The following PRDM1 variants were observed in gnomAD, a reference collection of about 807,000 sequenced individuals.
PRDM1 encodes PR/SET domain 1.
A neutral mutation model predicts 62.8 loss-of-function variants in PRDM1; 13 were observed. That is an observed-to-expected ratio of 0.21 (90% confidence interval 0.13 to 0.33). PRDM1 has a LOEUF of 0.33. Ranked by LOEUF, PRDM1 falls within the 10% of genes least tolerant of loss-of-function variation. PRDM1 has a pLI of 1.00. For missense variants in PRDM1, 895 were observed against 1,058.8 expected, an observed-to-expected ratio of 0.85 and a Z score of 2.15; for synonymous variants, 396 against 417.6, an observed-to-expected ratio of 0.95 and a Z score of 0.63.
intron 1 of PRDM1, among the ~76,000 whole-genome samples, chr6:106,013,930 T>A (rs901222818): frequency 1.3e-5 from 2 of 152,154 alleles, no homozygotes; most frequent in African/African-American, 2.4e-5. Context: ...AGCTTCCTCC[T>A]TCCCAATTCC....
chr6:106,051,863 T>A (rs1321984449), intron 1 of PRDM1, among the ~76,000 whole-genome samples: 1 of 152,232 alleles, frequency 6.6e-6, no homozygotes, highest in Non-Finnish European at 1.5e-5. Context: ...AATTTTTCCA[T>A]GTGTAAATTG....
chr6:106,047,730 T>G (rs1287321337), upstream of PRDM1, among the ~76,000 whole-genome samples: 1 of 152,238 alleles, frequency 6.6e-6, no homozygotes, highest in Non-Finnish European at 1.5e-5. Context: ...AAACCATTTC[T>G]GGTGACAAAG....
intron 1 of PRDM1, among the ~76,000 whole-genome samples, chr6:106,062,356 A>G (rs1773357895): frequency 6.6e-6 from 1 of 152,178 alleles, no homozygotes; most frequent in African/African-American, 2.4e-5. Context: ...AGGGAAAGAA[A>G]ATGTGTAATC....
In PRDM1 at chr6:106,104,842, C is replaced by G; in HGVS notation, c.682C>G (p.Leu228Val). 1.2e-6 allele frequency: 2 copies of G among 1,613,758 alleles called. No homozygotes were observed. Among genetic ancestry groups the G allele is most frequent in the Non-Finnish European group, 8.5e-7 (1 of 1,179,932 alleles). ...MMNLTQTQSS[L>V]KQPSTEKNEL... is the part of the protein sequence containing the mutation. ...TATTTCAGCACAAACACAGAGCAGT[C>G]TAAAGCAACCGAGCACTGAGAAAAA... Residue 228 changes from leucine (L) to valine (V), a missense_variant, in exon 5 of 7, where the codon CTA (leucine) becomes GTA (valine). Physicochemically the swap from Leu to Val is conservative, Grantham distance 32. Coordinates refer to ENST00000369096, the MANE Select transcript of PRDM1 (RefSeq NM_001198.4).
Position 106,086,438 on chromosome 6 carries a change from C to G in PRDM1, c.-116C>G, listed in dbSNP as rs756576797. ...CCGCCCGGAGCTGGGACGCGGGCGCCCGGGCGGCCGGACGAAGCGAGGAGG... is the reference window on the plus strand; with the variant it reads ...CCGCCCGGAGCTGGGACGCGGGCGCGCGGGCGGCCGGACGAAGCGAGGAGG... On this transcript the variant is annotated 5_prime_UTR_variant, in exon 1 of 7. Coordinates refer to ENST00000369096, the MANE Select transcript of PRDM1 (RefSeq NM_001198.4). 9.9e-6 allele frequency: 10 copies of G among 1,009,650 alleles called. No individual in the cohort carries two copies. Among genetic ancestry groups the G allele is most frequent in the Non-Finnish European group, 1.5e-5 (10 of 686,898 alleles). 62.5% of individuals were successfully genotyped at this position (1,009,650 alleles called of 1,614,324 possible). A position where few individuals can be genotyped will look rare whatever the true frequency, so the allele number is the denominator to read the frequency against.
chr6:106,046,350 C>T (rs1213704107), upstream of PRDM1: 1 of 152,104 alleles, frequency 6.6e-6, no homozygotes, highest in Non-Finnish European at 1.5e-5. Context: ...ACTTGTCTTT[C>T]ATTTCCATGG....
chr6:106,005,124 A>C (rs986497109), intron 1 of PRDM1, among the ~76,000 whole-genome samples: 1 of 152,216 alleles, frequency 6.6e-6, no homozygotes, highest in African/African-American at 2.4e-5. Context: ...ACAGTGTTTA[A>C]ACACCTCTTA....
chr6:106,075,622 AC>A (rs1773593700), intron 1 of PRDM1, among the ~76,000 whole-genome samples: 1 of 152,164 alleles, frequency 6.6e-6, no homozygotes, highest in African/African-American at 2.4e-5. Context: ...AGAATCTATC[AC>A]CATCAGATGC....
At chr6:106,014,574 TAA>T (rs1772596227) in intron 1 of PRDM1, among the ~76,000 whole-genome samples, 1 of 151,608 alleles carries the variant, frequency 6.6e-6, no homozygotes, top group African/African-American at 2.4e-5. Flanking sequence ...ATCTATAATG[TAA>T]GTCTAAATTT....
intron 1 of PRDM1, among the ~76,000 whole-genome samples, chr6:106,076,072 C>T (rs759451505): frequency 2.6e-5 from 4 of 152,072 alleles, no homozygotes; most frequent in Non-Finnish European, 5.9e-5. Flanking sequence ...CAACCTCAGC[C>T]TCCCGAGTAG....
intron 1 of PRDM1, among the ~76,000 whole-genome samples, chr6:106,065,302 ATTAT>A (rs1224984275): frequency 6.6e-6 from 1 of 151,944 alleles, no homozygotes; most frequent in African/African-American, 2.4e-5. Context: ...AATCTTATAT[ATTAT>A]TTATTCAACA....
intron 1 of PRDM1, among the ~76,000 whole-genome samples, chr6:106,006,291 A>G (rs973103338): frequency 6.6e-6 from 1 of 152,178 alleles, no homozygotes; most frequent in Admixed American, 6.5e-5. Flanking sequence ...CCAGATAACA[A>G]CTGAGTTGTT....
chr6:106,106,219 ACAC>A lies in PRDM1; in HGVS notation c.1774-149_1774-147del. ...TGTGATTTTTGTGCTTTTAAGAAAA[ACAC>A]CATTCTGAAAACATGAAGATTTCTT... On this transcript the variant is annotated intron_variant, in intron 5 of 6. Coordinates refer to ENST00000369096, the MANE Select transcript of PRDM1 (RefSeq NM_001198.4). The surrounding 1 kb of genome is among the most constrained non-coding windows in gnomAD (Gnocchi z 4.4). The A allele has an allele frequency of 1.2e-5, 15 of 1,296,232 alleles. No individual in the cohort carries two copies. Among genetic ancestry groups the A allele is most frequent in the Non-Finnish European group, 1.5e-5 (14 of 949,136 alleles). 80.3% of individuals were successfully genotyped at this position (1,296,232 alleles called of 1,614,324 possible).
At chr6:106,100,697 A>G (rs1439502952) in intron 4 of PRDM1, 15 of 152,130 alleles carry the variant, frequency 9.9e-5, no homozygotes, top group Admixed American at 9.8e-4. Flanking sequence ...TCCACACTTC[A>G]TTTTACTTGA....
rs1437431722 is a variant in PRDM1, at chr6:106,059,125, CCAA to C, written c.-67+10412_-67+10414del. Among the ~76,000 whole-genome samples the C allele has an allele frequency of 5.3e-5, 8 of 152,060 alleles. No individual in the cohort carries two copies. In the East Asian group the frequency reaches 1.5e-3, roughly 29 times the overall value. On this transcript the variant is annotated intron_variant, in intron 1 of 6. Transcript: ENST00000651185. The stretch of plus-strand genomic sequence containing the variant: ...ACAAGACCCCTGTTATTCTGTAACC[CCAA>C]TAGGGGTTACATTCTAGAGGGAGAG...
intron 1 of PRDM1, among the ~76,000 whole-genome samples, chr6:106,043,073 A>G (rs149170861): frequency 1.0e-3 from 155 of 151,326 alleles, no homozygotes; most frequent in African/African-American, 3.5e-3. Context: ...CTGGTCTTGA[A>G]CTCCTGACCT....
At chr6:106,022,914 G>A (rs1422586466) in intron 1 of PRDM1, among the ~76,000 whole-genome samples, 3 of 152,164 alleles carry the variant, frequency 2.0e-5, no homozygotes, top group African/African-American at 7.2e-5. Flanking sequence ...TCGTCACCAT[G>A]AATACTAATT....
chr6:106,067,414 C>G (rs537061370), intron 1 of PRDM1, among the ~76,000 whole-genome samples: 1 of 151,896 alleles, frequency 6.6e-6, no homozygotes, highest in African/African-American at 2.4e-5. Context: ...AGATATACAC[C>G]CAAAAGAATT....
chr6:106,013,620 G>A (rs901258530), intron 1 of PRDM1, among the ~76,000 whole-genome samples: 1 of 152,098 alleles, frequency 6.6e-6, no homozygotes, highest in Admixed American at 6.5e-5. Flanking sequence ...GAGCCACCAT[G>A]CCCAGCCGAC....
Sources: gnomAD v4.1 joint callset for allele counts (sites outside exome capture counted in the v4.1 genomes callset) on GRCh38, gnomAD v4.1.1 for gene constraint, Gnocchi (gnomAD v3.1) non-coding constraint, MANE v1.5 for transcripts, NCBI Gene and HGNC (gene_info 2026-07-23, HGNC 2026-07-21) for gene names.